Variants in MSI2 observed in about 807,000 individuals in gnomAD.
MSI2 encodes the protein musashi RNA binding protein 2.
In MSI2, 17 loss-of-function variants were observed where a neutral mutation model predicts 45.6. The observed-to-expected ratio is 0.37, with a 90% CI of 0.26 to 0.56. The LOEUF (loss-of-function observed/expected upper bound fraction) is 0.56. Among genes scored for constraint, MSI2 ranks in the 20% least tolerant of loss-of-function variants. The pLI is 0.77. For missense variants in MSI2, 293 were observed against 444.2 expected, an observed-to-expected ratio of 0.66 and a Z score of 3.06; for synonymous variants, 156 against 158.2, an observed-to-expected ratio of 0.99 and a Z score of 0.11.
chr17:57,301,371 A>G (rs2143539517), intron 5 of MSI2, among the ~76,000 whole-genome samples: 1 of 152,348 alleles, frequency 6.6e-6, no homozygotes, highest in South Asian at 2.1e-4. Context: ...ACCTGAGTTT[A>G]GTTGAATTTT....
intron 6 of MSI2, among the ~76,000 whole-genome samples, chr17:57,520,172 A>G (rs1238092359): frequency 6.6e-6 from 1 of 152,246 alleles, no homozygotes; most frequent in Non-Finnish European, 1.5e-5. Flanking sequence ...AGTAAATGGT[A>G]GTTATTATAA....
intron 1 of MSI2, 118 bp from the exon 2 acceptor site, chr17:57,256,980 C>G: frequency 6.4e-7 from 1 of 1,564,122 alleles, no homozygotes; most frequent in East Asian, 2.4e-5. Context: ...TCCCCCACCC[C>G]ACCTCCCGGC....
intron 5 of MSI2, among the ~76,000 whole-genome samples, chr17:57,361,548 A>G (rs555123061): frequency 1.3e-5 from 2 of 151,576 alleles, no homozygotes; most frequent in African/African-American, 4.9e-5. Flanking sequence ...CAGAGGTTAC[A>G]TTGAGGCAAG....
At chr17:57,519,155 G>A (rs1004903065) in intron 6 of MSI2, among the ~76,000 whole-genome samples, 1 of 152,148 alleles carries the variant, frequency 6.6e-6, no homozygotes, top group African/African-American at 2.4e-5. Flanking sequence ...GCTCCCCCAA[G>A]GGCACACTGG....
intron 5 of MSI2, among the ~76,000 whole-genome samples, chr17:57,388,829 T>C (rs1400372630): frequency 6.6e-6 from 1 of 151,754 alleles, no homozygotes; most frequent in African/African-American, 2.4e-5. Flanking sequence ...AATTTTTGTA[T>C]TTTTAGTAGA....
intron 7 of MSI2, among the ~76,000 whole-genome samples, chr17:57,542,685 A>G (rs1033720175): frequency 5.3e-5 from 8 of 152,150 alleles, no homozygotes; most frequent in African/African-American, 1.4e-4. Context: ...GGGTCACATG[A>G]CCTTCAAGGA....
At chr17:57,639,263 G>A (rs552984298) in intron 10 of MSI2, among the ~76,000 whole-genome samples, 52 of 152,304 alleles carry the variant, frequency 3.4e-4, no homozygotes, top group African/African-American at 1.1e-3. Context: ...ACAGAAGTTC[G>A]CCAGGCAGAT....
chr17:57,498,631 C>T (rs1275377143), intron 6 of MSI2, among the ~76,000 whole-genome samples: 5 of 152,142 alleles, frequency 3.3e-5, no homozygotes, highest in African/African-American at 9.7e-5. Flanking sequence ...TCCTGTGCCG[C>T]GCGGGGAGCT....
chr17:57,652,790 A>G lies in MSI2; in HGVS notation c.790+629A>G, dbSNP rs1598494486. On this transcript the variant is annotated intron_variant, in intron 11 of 13. Transcript: ENST00000284073. This position sits in a 1 kb window ranked among gnomAD's most constrained non-coding sequence, Gnocchi z 4.1. Reference sequence around the variant, plus strand: ...GGTTGCTCCAGTCCTTCTGTCTCCAAAGCCAACCTTTTGGAGGTCTGGAAC... The same window carrying G: ...GGTTGCTCCAGTCCTTCTGTCTCCAGAGCCAACCTTTTGGAGGTCTGGAAC... 6.6e-6 allele frequency among the ~76,000 whole-genome samples: 1 copy of G among 152,212 alleles called. No homozygotes were observed. The highest frequency in any genetic ancestry group is 2.4e-5 in the African/African-American group (1 of 41,440).
intron 6 of MSI2, among the ~76,000 whole-genome samples, chr17:57,402,107 G>A (rs2084003556): frequency 6.6e-6 from 1 of 152,212 alleles, no homozygotes; most frequent in South Asian, 2.1e-4. Context: ...GTGTATGATA[G>A]AGAGTCAGAC....
the MSI2 span, among the ~76,000 whole-genome samples, chr17:57,691,871 G>T: frequency 1.3e-5 from 2 of 152,056 alleles, no homozygotes; most frequent in African/African-American, 4.8e-5. Context: ...GTACAATGTT[G>T]AACAAGAATG....
At chr17:57,259,141 C>T (rs1907085107) in intron 4 of MSI2, among the ~76,000 whole-genome samples, 1 of 152,118 alleles carries the variant, frequency 6.6e-6, no homozygotes, top group East Asian at 1.9e-4. Flanking sequence ...TTTTATTTAG[C>T]CCCTGTGTGG....
intron 6 of MSI2, among the ~76,000 whole-genome samples, chr17:57,496,478 G>T (rs536543168): frequency 6.6e-6 from 1 of 152,190 alleles, no homozygotes; most frequent in East Asian, 1.9e-4. Context: ...CGGTGAGGCC[G>T]CCACCACCTT....
intron 5 of MSI2, among the ~76,000 whole-genome samples, chr17:57,329,332 T>A (rs77431774): frequency 0.018 from 2,727 of 152,310 alleles, 81 homozygotes; most frequent in African/African-American, 0.063. Context: ...ATAATTTTTT[T>A]AAAAAGGTAA....
At chr17:57,569,186 C>T (rs191807447) in intron 7 of MSI2, among the ~76,000 whole-genome samples, 3 of 152,246 alleles carry the variant, frequency 2.0e-5, no homozygotes, top group African/African-American at 7.2e-5. Flanking sequence ...TAGTAGCTGC[C>T]AGCATGTGCT....
chr17:57,674,164 G>A (rs867198507), intron 11 of MSI2, among the ~76,000 whole-genome samples: 1 of 145,812 alleles, frequency 6.9e-6, no homozygotes, highest in Non-Finnish European at 1.5e-5. Context: ...ATGTCAAGAT[G>A]CCCAAACTCT....
chr17:57,432,408 T>C (rs2084613743), intron 6 of MSI2, among the ~76,000 whole-genome samples: 1 of 152,186 alleles, frequency 6.6e-6, no homozygotes, highest in Non-Finnish European at 1.5e-5. Flanking sequence ...ATTTCTCTAG[T>C]GGTTCCCAGC....
chr17:57,360,191 C>T (rs1184519482), intron 5 of MSI2, among the ~76,000 whole-genome samples: 1 of 152,356 alleles, frequency 6.6e-6, no homozygotes, highest in East Asian at 1.9e-4. Context: ...CTTCCTTAGA[C>T]TGCAGTTTTA....
In MSI2 at chr17:57,664,390, T is replaced by C. The variant is rs566186485; in HGVS notation, c.791-10582T>C. 6.6e-5 allele frequency among the ~76,000 whole-genome samples: 10 copies of C among 152,212 alleles called. No individual in the cohort carries two copies. The South Asian group carries it at 2.1e-3, about 32-fold the overall frequency. On this transcript the variant is annotated intron_variant, in intron 11 of 13. Transcript: ENST00000284073. ...AAAATCAGCCAGGTGTGGCGGTGTG[T>C]GCCTGTAGTCTCAGCTACTGGGGAG...
Sources: gnomAD v4.1 joint callset for allele counts (sites outside exome capture counted in the v4.1 genomes callset) on GRCh38, gnomAD v4.1.1 for gene constraint, Gnocchi (gnomAD v3.1) non-coding constraint, MANE v1.5 for transcripts, NCBI Gene and HGNC (gene_info 2026-07-23, HGNC 2026-07-21) for gene names.